Variants in MARCHF8 observed in about 807,000 individuals in gnomAD.
The protein encoded by MARCHF8 is membrane associated ring-CH-type finger 8.
Under a neutral mutation model 51.6 loss-of-function variants are expected in MARCHF8, and 40 were observed. The ratio of observed to expected loss-of-function variants is 0.77; its 90% CI spans 0.60 to 1.01. The LOEUF (loss-of-function observed/expected upper bound fraction) is 1.01, where lower values mean the gene tolerates loss of function less well. Among genes scored for constraint, MARCHF8 ranks in the 50% least tolerant of loss-of-function variants. MARCHF8 has a pLI of 0.00. For synonymous variants in MARCHF8, 263 were observed against 280.3 expected, an observed-to-expected ratio of 0.94 and a Z score of 0.62; for missense variants, 685 against 708.6, an observed-to-expected ratio of 0.97 and a Z score of 0.38.
At chr10:45,495,371 T>C (rs964786292) in intron 2 of MARCHF8, among the ~76,000 whole-genome samples, 2 of 152,166 alleles carry the variant, frequency 1.3e-5, no homozygotes, top group Non-Finnish European at 2.9e-5. Flanking sequence ...TAAATCTCAT[T>C]GTTTAATAGA....
intron 2 of MARCHF8, among the ~76,000 whole-genome samples, chr10:45,513,622 G>A (rs1344222464): frequency 6.6e-6 from 1 of 151,990 alleles, no homozygotes; most frequent in Non-Finnish European, 1.5e-5. Flanking sequence ...TTTCATCTTT[G>A]CTATTTGCAT....
intron 1 of MARCHF8, among the ~76,000 whole-genome samples, chr10:45,569,984 C>T (rs1003951748): frequency 1.3e-5 from 2 of 152,126 alleles, no homozygotes; most frequent in Non-Finnish European, 2.9e-5. Context: ...AAGCACAACA[C>T]TTTCCACAAC....
At chr10:45,489,750 G>A (rs181919504) in intron 2 of MARCHF8, among the ~76,000 whole-genome samples, 1 of 152,256 alleles carries the variant, frequency 6.6e-6, no homozygotes, top group East Asian at 1.9e-4. Context: ...AGTTCAGATG[G>A]TGATAAGTGT....
chr10:45,469,988 AAAG>A (rs976392615), intron 3 of MARCHF8, among the ~76,000 whole-genome samples: 5 of 152,168 alleles, frequency 3.3e-5, no homozygotes, highest in South Asian at 2.1e-4. Flanking sequence ...AAAAAAAATA[AAAG>A]AAGAAGATGG....
chr10:45,550,881 T>C (rs1435384428), intron 1 of MARCHF8, among the ~76,000 whole-genome samples: 30 of 152,244 alleles, frequency 2.0e-4, no homozygotes, highest in Admixed American at 2.0e-3. Flanking sequence ...ATTAGTCACA[T>C]TAAAAACAGT....
intron 3 of MARCHF8, among the ~76,000 whole-genome samples, chr10:45,476,360 T>A (rs976230155): frequency 6.6e-6 from 1 of 152,218 alleles, no homozygotes; most frequent in South Asian, 2.1e-4. Flanking sequence ...GGCTAGGAGT[T>A]CGAGACCAGT....
At chr10:45,524,526 T>G (rs1036431510) in intron 2 of MARCHF8, among the ~76,000 whole-genome samples, 1 of 152,218 alleles carries the variant, frequency 6.6e-6, no homozygotes, top group African/African-American at 2.4e-5. Flanking sequence ...ACGCAAATGA[T>G]CTCACAGATG....
chr10:45,513,465 A>G (rs2043568174), intron 2 of MARCHF8, among the ~76,000 whole-genome samples: 1 of 152,138 alleles, frequency 6.6e-6, no homozygotes, highest in African/African-American at 2.4e-5. Flanking sequence ...AACAGTGTAG[A>G]AAGAGATTGT....
chr10:45,572,262 C>T (rs2044438724), intron 1 of MARCHF8, among the ~76,000 whole-genome samples: 2 of 151,734 alleles, frequency 1.3e-5, no homozygotes, highest in Non-Finnish European at 2.9e-5. Flanking sequence ...CTTTTCTCTC[C>T]ACTTTCCTGG....
intron 2 of MARCHF8, 116 bp downstream of exon 2, chr10:45,532,994 C>T: frequency 2.9e-6 from 2 of 683,080 alleles, no homozygotes; most frequent in Admixed American, 3.9e-5. Flanking sequence ...TATTTGTGTG[C>T]TTGTCAGTAT....
At position 45,544,317 on chromosome 10, in the gene MARCHF8, C is replaced by T. The variant is rs887099158; in HGVS notation, c.-78-11028G>A. Among the ~76,000 whole-genome samples the T allele has an allele frequency of 2.8e-4, 42 of 152,258 alleles. 1 individual carries two copies. The highest frequency in any genetic ancestry group is 2.4e-3 in the Admixed American group (37 of 15,296). Reference sequence around the variant, plus strand: ...TACTTGGAAAATAGTCTGGCAGTTTCCTAAAAAGTTAAACATAAACTTATC... The same window carrying T: ...TACTTGGAAAATAGTCTGGCAGTTTTCTAAAAAGTTAAACATAAACTTATC... On this transcript the variant is annotated intron_variant, in intron 1 of 6. Transcript: ENST00000319836.
chr10:45,562,285 A>G (rs2044319489), intron 1 of MARCHF8, among the ~76,000 whole-genome samples: 1 of 152,226 alleles, frequency 6.6e-6, no homozygotes, highest in Non-Finnish European at 1.5e-5. Flanking sequence ...TTAAATCTAG[A>G]TTTAAGAAGC....
chr10:45,462,942 A>G (rs1424225645), intron 5 of MARCHF8, among the ~76,000 whole-genome samples: 2 of 152,180 alleles, frequency 1.3e-5, no homozygotes, highest in African/African-American at 4.8e-5. Flanking sequence ...TTCCTCTTTT[A>G]TCATTTGTAA....
chr10:45,583,283 G>A (rs1231945782), intron 1 of MARCHF8, among the ~76,000 whole-genome samples: 1 of 152,148 alleles, frequency 6.6e-6, no homozygotes, highest in Non-Finnish European at 1.5e-5. Flanking sequence ...ATTAGTGGGA[G>A]TACAGACTGA....
intron 1 of MARCHF8, among the ~76,000 whole-genome samples, chr10:45,572,708 C>T (rs1043993382): frequency 6.6e-6 from 1 of 152,030 alleles, no homozygotes; most frequent in African/African-American, 2.4e-5. Context: ...CCCTTCAGTC[C>T]CAACCCCAAG....
At position 45,463,812 on chromosome 10, in the gene MARCHF8, C is replaced by G. The variant is rs1234211185; in HGVS notation, c.427G>C (p.Ala143Pro). The G allele has an allele frequency of 5.2e-6, 8 of 1,548,818 alleles. No individual in the cohort carries two copies. Among genetic ancestry groups the G allele is most frequent in the Non-Finnish European group, 7.0e-6 (8 of 1,147,086 alleles). Residue 143 changes from alanine to proline, a missense_variant, in exon 5 of 8, where the codon GCT (alanine) becomes CCT (proline). Physicochemically the swap from Ala to Pro is conservative, Grantham distance 27 (BLOSUM62 -1). Coordinates refer to ENST00000453424, the MANE Select transcript of MARCHF8 (RefSeq NM_001282866.2). ...GTTCTTCTGGCTTTGGTATTCTTAG[C>G]AGGCTTCAAGGCCTGGGCCCATTCT... ...GSEWAQALKP[A>P]KNTKARRTLK...
At chr10:45,576,976 A>G (rs1271768866) in intron 1 of MARCHF8, among the ~76,000 whole-genome samples, 2 of 124,248 alleles carry the variant, frequency 1.6e-5, no homozygotes, top group African/African-American at 5.8e-5. Flanking sequence ...AGAGAAAAGA[A>G]AAAAAAAAAA....
intron 1 of MARCHF8, among the ~76,000 whole-genome samples, chr10:45,588,866 C>G (rs1242371986): frequency 1.3e-5 from 2 of 151,644 alleles, no homozygotes; most frequent in Non-Finnish European, 2.9e-5. Context: ...GGCATGGTGG[C>G]AGGTGCCTGT....
At chr10:45,562,405 A>G (rs993040917) in intron 1 of MARCHF8, among the ~76,000 whole-genome samples, 1 of 152,214 alleles carries the variant, frequency 6.6e-6, no homozygotes, top group East Asian at 1.9e-4. Context: ...CACAGAGAGT[A>G]AAGACAGAAG....
Sources: allele counts gnomAD v4.1 joint callset (sites outside exome capture counted in the v4.1 genomes callset), GRCh38; gene constraint gnomAD v4.1.1; transcripts MANE v1.5; gene names NCBI Gene and HGNC (gene_info 2026-07-23, HGNC 2026-07-21).